GRM8: variants seen among roughly 807,000 people sequenced by gnomAD.
The protein encoded by GRM8 is metabotropic glutamate receptor 8.
GRM8 carries 47 observed loss-of-function variants against 87.2 expected under a neutral mutation model. That is an observed-to-expected ratio of 0.54 (90% CI 0.43 to 0.69). The LOEUF is 0.69. Ranked by LOEUF, GRM8 falls within the 30% of genes least tolerant of loss-of-function variation. GRM8 has a pLI of 0.00. For synonymous variants in GRM8, 396 were observed against 404.5 expected (o/e 0.98, Z 0.25); for missense variants, 1,019 against 1,139.2 (o/e 0.89, Z 1.52).
intron 6 of GRM8, among the ~76,000 whole-genome samples, chr7:126,820,637 C>T (rs1696403701): frequency 6.6e-6 from 1 of 152,158 alleles, no homozygotes; most frequent in Non-Finnish European, 1.5e-5. Flanking sequence ...GTGGTCTTGC[C>T]ACCTCATTCT....
intron 6 of GRM8, among the ~76,000 whole-genome samples, chr7:126,876,526 G>A (rs1056917283): frequency 2.6e-5 from 4 of 152,124 alleles, no homozygotes; most frequent in Admixed American, 2.6e-4. Flanking sequence ...TCTGTCCTCT[G>A]TCTACGGGTT....
intron 6 of GRM8, among the ~76,000 whole-genome samples, chr7:126,874,310 T>G (rs1054088974): frequency 5.3e-5 from 8 of 152,178 alleles, no homozygotes; most frequent in African/African-American, 1.7e-4. Context: ...CAGATGTGAC[T>G]TATATAAGTC....
At chr7:126,519,051 C>A (rs190498433) in intron 9 of GRM8, among the ~76,000 whole-genome samples, 2 of 152,052 alleles carry the variant, frequency 1.3e-5, no homozygotes, top group African/African-American at 4.8e-5. Flanking sequence ...ATCCCTTTTT[C>A]TTTTCTTTTT....
intron 9 of GRM8, among the ~76,000 whole-genome samples, chr7:126,531,636 G>T (rs1038753724): frequency 6.6e-6 from 1 of 152,160 alleles, no homozygotes; most frequent in Admixed American, 6.5e-5. Flanking sequence ...TGTTCTGAGA[G>T]AAAATGGTTA....
At chr7:126,960,923 C>A (rs1043906898) in intron 3 of GRM8, among the ~76,000 whole-genome samples, 2 of 152,190 alleles carry the variant, frequency 1.3e-5, no homozygotes, top group Non-Finnish European at 2.9e-5. Context: ...AACATTCCCA[C>A]CTTCAGGAGA....
intron 7 of GRM8, among the ~76,000 whole-genome samples, chr7:126,695,087 T>C (rs1809232680): frequency 6.6e-6 from 1 of 152,192 alleles, no homozygotes; most frequent in Non-Finnish European, 1.5e-5. Flanking sequence ...GATGGGTGGC[T>C]TTTCCAACAG....
chr7:126,478,919 T>C (rs950826443), intron 9 of GRM8, among the ~76,000 whole-genome samples: 4 of 152,116 alleles, frequency 2.6e-5, no homozygotes, highest in African/African-American at 9.7e-5. Context: ...AAATGTATGA[T>C]ATAATAGCCA....
intron 7 of GRM8, among the ~76,000 whole-genome samples, chr7:126,735,581 G>T (rs1814115250): frequency 6.6e-6 from 1 of 151,992 alleles, no homozygotes. Context: ...GAAAATAATT[G>T]AACAAGTAAA....
chr7:126,631,702 C>T (rs1007393158), intron 7 of GRM8, among the ~76,000 whole-genome samples: 37 of 151,982 alleles, frequency 2.4e-4, no homozygotes, highest in South Asian at 1.2e-3. Context: ...ACCAATATAA[C>T]GAATAGAGAC....
intron 8 of GRM8, among the ~76,000 whole-genome samples, chr7:126,549,289 T>A (rs1265802645): frequency 6.6e-6 from 1 of 152,032 alleles, no homozygotes; most frequent in Non-Finnish European, 1.5e-5. Context: ...GAAACATCTG[T>A]GCAAATAGAT....
intron 8 of GRM8, among the ~76,000 whole-genome samples, chr7:126,602,709 T>A (rs1038106198): frequency 1.3e-4 from 19 of 151,458 alleles, no homozygotes; most frequent in Non-Finnish European, 4.4e-5. Context: ...TGAATGGGAG[T>A]TCACTCATGA....
At chr7:126,820,169 A>T (rs1041706541) in intron 6 of GRM8, among the ~76,000 whole-genome samples, 3 of 152,248 alleles carry the variant, frequency 2.0e-5, no homozygotes, top group African/African-American at 7.2e-5. Context: ...GAAAGAAAGT[A>T]AAAATGCAAA....
chr7:126,762,538 T>C (rs987171245), intron 7 of GRM8, among the ~76,000 whole-genome samples: 5 of 152,116 alleles, frequency 3.3e-5, no homozygotes, highest in Admixed American at 2.0e-4. Flanking sequence ...GAGCTAAGTA[T>C]GGGAAAAACG....
chr7:126,653,318 G>GAAAAA (rs1804143475), intron 7 of GRM8, among the ~76,000 whole-genome samples: 1 of 99,322 alleles, frequency 1.0e-5, no homozygotes, highest in Admixed American at 9.4e-5. Flanking sequence ...AAAAAAAAAG[G>GAAAAA]CAAGGAGAGG....
chr7:126,733,844 TG>T (rs1813890127), intron 7 of GRM8, among the ~76,000 whole-genome samples: 1 of 152,030 alleles, frequency 6.6e-6, no homozygotes. Flanking sequence ...AAAACAGGAA[TG>T]CCCAGCATCA....
chr7:126,999,416 G>A (rs956390920), intron 3 of GRM8, among the ~76,000 whole-genome samples: 3 of 151,620 alleles, frequency 2.0e-5, no homozygotes, highest in Non-Finnish European at 3.0e-5. Context: ...AAAAGCTTCT[G>A]CATACTAAAG....
intron 6 of GRM8, among the ~76,000 whole-genome samples, chr7:126,807,495 C>T (rs780863062): frequency 4.6e-5 from 7 of 152,160 alleles, no homozygotes; most frequent in Non-Finnish European, 8.8e-5. Context: ...ACTTAAAAAT[C>T]AAGCGAGATG....
Position 126,568,572 on chromosome 7 carries a change from T to C in GRM8, c.1495-34685A>G, listed in dbSNP as rs1311504438. Among the ~76,000 whole-genome samples, 5 of 152,114 alleles carry C rather than the reference T, an allele frequency of 3.3e-5. No individual in the cohort carries two copies. In the East Asian group the frequency reaches 9.6e-4, roughly 29 times the overall value. On this transcript the variant is annotated intron_variant, in intron 8 of 10. Coordinates refer to ENST00000339582, the MANE Select transcript of GRM8 (RefSeq NM_000845.3). Reference sequence around the variant, plus strand: ...TTCATATAATTGGGAGTTGAGAAGATTTTTTAAATGACTGACTTTGAAGTA... The same window carrying C: ...TTCATATAATTGGGAGTTGAGAAGACTTTTTAAATGACTGACTTTGAAGTA...
chr7:126,610,071 C>CT (rs1798766870), intron 7 of GRM8, among the ~76,000 whole-genome samples: 1 of 152,216 alleles, frequency 6.6e-6, no homozygotes, highest in Non-Finnish European at 1.5e-5. Flanking sequence ...GAAGTCCCAA[C>CT]TCTGCCCAGA....
Sources: allele counts gnomAD v4.1 joint callset (sites outside exome capture counted in the v4.1 genomes callset), GRCh38; gene constraint gnomAD v4.1.1; transcripts MANE v1.5; gene names NCBI Gene and HGNC (gene_info 2026-07-23, HGNC 2026-07-21).